The following SPON1 variants were observed in gnomAD, a reference collection of about 807,000 sequenced individuals.
SPON1 encodes spondin 1, also known as spondin-1.
In SPON1, 52 loss-of-function variants were observed where a neutral mutation model predicts 111.7. That is an observed-to-expected ratio of 0.47 (90% CI 0.37 to 0.59). The LOEUF is 0.59. SPON1 is among the 20% of genes least tolerant of loss of function. SPON1 has a pLI of 0.00. For synonymous variants in SPON1, 410 were observed against 395.8 expected (o/e 1.04, Z -0.43); for missense variants, 957 against 1,068.5 (o/e 0.90, Z 1.46).
intron 5 of SPON1, among the ~76,000 whole-genome samples, chr11:14,084,071 A>G (rs1213275024): frequency 6.6e-6 from 1 of 152,088 alleles, no homozygotes; most frequent in Non-Finnish European, 1.5e-5. Context: ...AAATAAAAAT[A>G]TGTTTACTCA....
rs139307945 is a variant in SPON1 at position 14,211,986 on chromosome 11, T to C, written c.826-31346T>C. ...CTTAATCCATTATTGATTCATTATT[T>C]AAAATAGGTATCTTTATCAAGTTAA... On this transcript the variant is annotated intron_variant, in intron 6 of 15. Coordinates refer to ENST00000576479, the MANE Select transcript of SPON1 (RefSeq NM_006108.4). Among the ~76,000 whole-genome samples the C allele has an allele frequency of 4.9e-3, 751 of 152,320 alleles. 8 individuals are homozygous for C. The highest frequency in any genetic ancestry group is 0.017 in the African/African-American group (725 of 41,572).
intron 5 of SPON1, among the ~76,000 whole-genome samples, chr11:14,108,155 T>C (rs1849199808): frequency 6.6e-6 from 1 of 152,200 alleles, no homozygotes; most frequent in South Asian, 2.1e-4. Flanking sequence ...GTTGTAGAGT[T>C]GGATGAGTTA....
intron 6 of SPON1, among the ~76,000 whole-genome samples, chr11:14,145,310 A>G (rs1170814946): frequency 6.6e-6 from 1 of 152,196 alleles, no homozygotes; most frequent in Non-Finnish European, 1.5e-5. Context: ...ACAGTTTTAT[A>G]AGACAGCATC....
At chr11:14,046,783 C>T (rs909651258) in intron 3 of SPON1, among the ~76,000 whole-genome samples, 2 of 152,122 alleles carry the variant, frequency 1.3e-5, no homozygotes. Flanking sequence ...TGGCTTTGCA[C>T]TGAATTAATA....
At chr11:14,137,181 C>T (rs1317717554) in intron 6 of SPON1, among the ~76,000 whole-genome samples, 1 of 152,128 alleles carries the variant, frequency 6.6e-6, no homozygotes, top group South Asian at 2.1e-4. Flanking sequence ...ATAACTGGAA[C>T]TATATTGTGC....
Position 13,962,967 on chromosome 11 carries a change from G to A in SPON1, c.63G>A (p.Leu21=), listed in dbSNP as rs565112124. The A allele has an allele frequency of 1.9e-6, 3 of 1,592,272 alleles. No individual in the cohort carries two copies. In the African/African-American group the frequency reaches 4.1e-5, roughly 22 times the overall value. Residue 21 remains leucine (L), a synonymous_variant, in exon 1 of 16, where the codon CTG becomes CTA. Transcript: ENST00000576479. The part of the protein sequence containing the change: ...SRTPALLALA[L]PLAAALAFSD... ...CTCCGGCACTGCTGGCCCTGGCGCT[G>A]CCCCTGGCCGCGGCGCTGGCCTTCT...
chr11:14,084,192 G>A (rs1390353884), intron 5 of SPON1, among the ~76,000 whole-genome samples: 9 of 151,178 alleles, frequency 6.0e-5, no homozygotes, highest in African/African-American at 1.7e-4. Context: ...GGTTTGTTAC[G>A]TAGGTATACA....
intron 6 of SPON1, among the ~76,000 whole-genome samples, chr11:14,187,729 C>T (rs1848301568): frequency 6.6e-6 from 1 of 152,204 alleles, no homozygotes; most frequent in Admixed American, 6.5e-5. Flanking sequence ...ATTCTCCTGC[C>T]TCAGCCTCCT....
At chr11:13,980,282 C>A (rs1848134234) in intron 1 of SPON1, among the ~76,000 whole-genome samples, 1 of 152,166 alleles carries the variant, frequency 6.6e-6, no homozygotes, top group Admixed American at 6.5e-5. Flanking sequence ...CTCAAGTGAT[C>A]CACCCACCTC....
At chr11:14,040,683 T>A (rs1432196505) in intron 2 of SPON1, among the ~76,000 whole-genome samples, 1 of 152,062 alleles carries the variant, frequency 6.6e-6, no homozygotes, top group Non-Finnish European at 1.5e-5. Flanking sequence ...TTAAGTCAGA[T>A]AAAGCACTTA....
intron 2 of SPON1, among the ~76,000 whole-genome samples, chr11:14,024,898 T>C (rs1848506786): frequency 6.6e-6 from 1 of 152,158 alleles, no homozygotes; most frequent in Non-Finnish European, 1.5e-5. Flanking sequence ...ACAATATAGG[T>C]ATATCAGGGC....
At chr11:14,254,403 A>G in intron 7 of SPON1, 125 bp from the exon 8 acceptor site, 1 of 858,904 alleles carries the variant, frequency 1.2e-6, no homozygotes, top group Non-Finnish European at 1.8e-6. Flanking sequence ...GGCAGAATTC[A>G]GTGGGAGACC....
intron 2 of SPON1, among the ~76,000 whole-genome samples, chr11:14,031,354 A>G (rs1171016420): frequency 6.6e-6 from 1 of 152,214 alleles, no homozygotes; most frequent in South Asian, 2.1e-4. Context: ...AACTTTTGTG[A>G]AAGTTAGGCT....
intron 4 of SPON1, among the ~76,000 whole-genome samples, chr11:14,079,519 T>C (rs1848944144): frequency 1.3e-5 from 2 of 152,156 alleles, no homozygotes; most frequent in South Asian, 4.2e-4. Context: ...CTCCTAAAAT[T>C]TGTTAGAGAA....
chr11:14,152,062 T>C (rs1847794489), intron 6 of SPON1, among the ~76,000 whole-genome samples: 1 of 152,192 alleles, frequency 6.6e-6, no homozygotes, highest in African/African-American at 2.4e-5. Flanking sequence ...TGCCTTGTAT[T>C]ATGGGTGTCT....
At chr11:14,140,290 A>G (rs1847638489) in intron 6 of SPON1, among the ~76,000 whole-genome samples, 2 of 152,096 alleles carry the variant, frequency 1.3e-5, no homozygotes, top group African/African-American at 4.8e-5. Flanking sequence ...AGATTATTCT[A>G]TTTTCTCATA....
intron 11 of SPON1, among the ~76,000 whole-genome samples, chr11:14,258,255 C>A (rs528773235): frequency 7.0e-4 from 106 of 152,312 alleles, no homozygotes; most frequent in Non-Finnish European, 6.8e-4. Flanking sequence ...GAATCTAGAT[C>A]CATTGCCCTA....
chr11:13,990,691 T>C (rs1848222624), intron 2 of SPON1, among the ~76,000 whole-genome samples: 1 of 152,092 alleles, frequency 6.6e-6, no homozygotes. Context: ...ATTTGGCATA[T>C]TTTTGCGGTG....
At chr11:14,128,680 G>C (rs1239410065) in intron 5 of SPON1, among the ~76,000 whole-genome samples, 2 of 152,220 alleles carry the variant, frequency 1.3e-5, no homozygotes, top group African/African-American at 4.8e-5. Context: ...TCTGTGTGGT[G>C]AGTCTTCAGC....
Sources: allele counts gnomAD v4.1 joint callset (sites outside exome capture counted in the v4.1 genomes callset), GRCh38; gene constraint gnomAD v4.1.1; transcripts MANE v1.5; gene names NCBI Gene and HGNC (gene_info 2026-07-23, HGNC 2026-07-21).